Variants in AHNAK observed in about 807,000 individuals in gnomAD.
The protein encoded by AHNAK is AHNAK nucleoprotein, also known as neuroblast differentiation-associated protein AHNAK.
Under a neutral mutation model 37.8 loss-of-function variants are expected in AHNAK, and 23 were observed. That is an observed-to-expected ratio of 0.61 (90% CI 0.44 to 0.86). The LOEUF (loss-of-function observed/expected upper bound fraction) is 0.86, where lower values mean the gene tolerates loss of function less well. Among genes scored for constraint, AHNAK ranks in the 40% least tolerant of loss-of-function variants. The pLI is 0.00. For missense variants in AHNAK, 7,411 were observed against 7,319.4 expected (o/e 1.01, Z -0.46); for synonymous variants, 2,481 against 2,636.3 (o/e 0.94, Z 1.80).
chr11:62,464,966 G>T (rs1159964043), intron 5 of AHNAK, among the ~76,000 whole-genome samples: 1 of 152,228 alleles, frequency 6.6e-6, no homozygotes, highest in Non-Finnish European at 1.5e-5. Context: ...GACAGACACA[G>T]TCGGGAACCC....
intron 1 of AHNAK, among the ~76,000 whole-genome samples, chr11:62,542,203 C>A (rs1281443758): frequency 6.6e-6 from 1 of 152,116 alleles, no homozygotes; most frequent in Non-Finnish European, 1.5e-5. Context: ...CTACACAGCC[C>A]AGGGCAGCCT....
chr11:62,497,053 T>C (rs1939624720), intron 4 of AHNAK, among the ~76,000 whole-genome samples: 1 of 152,190 alleles, frequency 6.6e-6, no homozygotes, highest in Non-Finnish European at 1.5e-5. Context: ...GTGGAAAATA[T>C]TATACTGAGT....
Position 62,533,726 on chromosome 11 carries a change from C to G in AHNAK, c.691G>C (p.Ala231Pro). Residue 231 changes from alanine (A) to proline (P), a missense_variant, in exon 5 of 5, where the codon GCT becomes CCT. Coordinates refer to ENST00000378024, the MANE Select transcript of AHNAK (RefSeq NM_001620.3). The part of the protein sequence containing the change: ...AVDIRAGAIS[A>P]SGPELQGAGH... ...GCACCTTGGAGCTCTGGTCCTGAAG[C>G]AGAAATGGCCCCTGCTCGGATATCC... 6.2e-7 allele frequency: 1 copy of G among 1,614,154 alleles called. No individual in the cohort carries two copies. The highest frequency in any genetic ancestry group is 8.5e-7 in the Non-Finnish European group (1 of 1,180,040).
In AHNAK at chr11:62,491,730, A is replaced by T. The variant is rs762521452; in HGVS notation, c.442+2T>A. On this transcript the variant is annotated splice_donor_variant, in intron 5 of 5. Coordinates refer to the AHNAK transcript ENST00000257247. LOFTEE classifies it high-confidence loss of function. ...TCTTTCAGTCCCCATCACTTCTCTC[A>T]CCTGCATTTGGGGTGGAGACTGAAA... 6.2e-7 allele frequency: 1 copy of T among 1,607,564 alleles called. No homozygotes were observed. Among genetic ancestry groups the T allele is most frequent in the Non-Finnish European group, 8.5e-7 (1 of 1,176,676 alleles).
At position 62,522,677 on chromosome 11, in the gene AHNAK, C is replaced by T. The variant is rs769017729; in HGVS notation, c.11740G>A (p.Val3914Met). ...TCCACATCTGGGGCATTAATATCCA[C>T]TTTGGGGCCTTTAATATCCAAGTCA... is the stretch of plus-strand genomic sequence containing the variant. ...VPDLDIKGPK[V>M]DINAPDVDVR... Residue 3914 changes from valine to methionine, a missense_variant, in exon 5 of 5, where the codon GTG becomes ATG. Val to Met is a conservative substitution (Grantham distance 21). Transcript: ENST00000378024. 2.4e-5 allele frequency: 38 copies of T among 1,612,574 alleles called. No individual in the cohort carries two copies. Among genetic ancestry groups the T allele is most frequent in the Non-Finnish European group, 3.2e-5 (38 of 1,179,690 alleles).
chr11:62,449,679 C>T (rs34850466), intron 5 of AHNAK, among the ~76,000 whole-genome samples: 3,834 of 152,282 alleles, frequency 0.025, 65 homozygotes, highest in Non-Finnish European at 0.04. Context: ...TGCCAGGGGA[C>T]GCTCGTGAAA....
At position 62,527,685 on chromosome 11, in the gene AHNAK, A is replaced by G. The variant is rs1298918; in HGVS notation, c.6732T>C (p.Pro2244=). Residue 2244 remains proline (P), a synonymous_variant, in exon 5 of 5, where the codon CCT becomes CCC. Transcript: ENST00000378024. The part of the protein sequence containing the change: ...VHGPDWHLKM[P]KMKMPKFSMP... ...TGCTGAACTTGGGCATTTTCATCTT[A>G]GGCATCTTCAGGTGCCAGTCTGGGC... 15 of 1,612,852 alleles carry G rather than the reference A, an allele frequency of 9.3e-6. No individual in the cohort carries two copies. In the Admixed American group the frequency reaches 2.3e-4, roughly 25 times the overall value.
intron 4 of AHNAK, among the ~76,000 whole-genome samples, chr11:62,499,366 T>C (rs1590631998): frequency 1.3e-5 from 2 of 152,050 alleles, no homozygotes; most frequent in South Asian, 2.1e-4. Context: ...CTGACCAACA[T>C]GGCGAAACCC....
intron 5 of AHNAK, among the ~76,000 whole-genome samples, chr11:62,434,046 G>C (rs1396859528): frequency 2.0e-5 from 3 of 152,192 alleles, no homozygotes; most frequent in African/African-American, 7.2e-5. Flanking sequence ...GGAAGGGATA[G>C]ATTTGGAAAG....
Position 62,518,777 on chromosome 11 carries a change from T to C in AHNAK, c.15640A>G (p.Ser5214Gly), listed in dbSNP as rs140273841. The change falls in exon 5 of 5, where the codon AGC becomes GGC. Residue 5214 changes from serine to glycine, a missense_variant. By Grantham distance (56) the Ser-to-Gly change is moderately conservative. Transcript: ENST00000378024. ...KGPKIKGDVP[S>G]VGLEGPDVDL... is the part of the protein sequence containing the mutation. The stretch of plus-strand genomic sequence containing the variant: ...ACATCTGGTCCTTCCAGTCCCACGC[T>C]GGGGACATCACCCTTTATCTTTGGT... The C allele has an allele frequency of 6.2e-6, 10 of 1,614,152 alleles. No homozygotes were observed. The highest frequency in any genetic ancestry group is 1.6e-4 in the Middle Eastern group (1 of 6,084).
intron 5 of AHNAK, among the ~76,000 whole-genome samples, chr11:62,455,088 ATGC>A (rs1315676521): frequency 6.6e-6 from 1 of 151,560 alleles, no homozygotes; most frequent in Non-Finnish European, 1.5e-5. Context: ...GTACGCCACC[ATGC>A]TTGACTAATT....
At position 62,532,296 on chromosome 11, in the gene AHNAK, TTTCAC is replaced by T; in HGVS notation, c.2116_2120del (p.Val706ArgfsTer9). 6.2e-7 allele frequency: 1 copy of T among 1,614,146 alleles called. No individual in the cohort carries two copies. Among genetic ancestry groups the T allele is most frequent in the Non-Finnish European group, 8.5e-7 (1 of 1,180,022 alleles). ...CATACTCTCCCTTCACCTTTGTACCTTTCACGTGCAAATCTACATCAGGCATGGAG... is the reference window on the plus strand; with the variant it reads ...CATACTCTCCCTTCACCTTTGTACCTGTGCAAATCTACATCAGGCATGGAG... On this transcript the variant is annotated frameshift_variant, in exon 5 of 5. Coordinates refer to ENST00000378024, the MANE Select transcript of AHNAK (RefSeq NM_001620.3). LOFTEE classifies it low-confidence loss of function (END_TRUNC).
At position 62,523,336 on chromosome 11, in the gene AHNAK, G is replaced by A; in HGVS notation, c.11081C>T (p.Pro3694Leu). The A allele has an allele frequency of 6.2e-7, 1 of 1,612,978 alleles. No individual in the cohort carries two copies. The highest frequency in any genetic ancestry group is 8.5e-7 in the Non-Finnish European group (1 of 1,179,646). ...KMKGDVVVSL[P>L]KVEGDLKGPE... The stretch of plus-strand genomic sequence containing the variant: ...GCCTTTTAGATCACCTTCCACTTTG[G>A]GCAAAGACACAACCACATCACCCTT... The change falls in exon 5 of 5, where the codon CCC becomes CTC. Residue 3694 changes from proline to leucine, a missense_variant. Transcript: ENST00000378024.
At chr11:62,443,793 A>G (rs79861977) in intron 5 of AHNAK, among the ~76,000 whole-genome samples, 1,921 of 152,352 alleles carry the variant, frequency 0.013, 54 homozygotes, top group African/African-American at 0.044. Flanking sequence ...AGAGGAACCT[A>G]GAAAGGCTGA....
chr11:62,490,059 T>C (rs763091009), intron 5 of AHNAK, among the ~76,000 whole-genome samples: 5 of 150,406 alleles, frequency 3.3e-5, no homozygotes, highest in Non-Finnish European at 4.4e-5. Context: ...GAACGGGAAG[T>C]GGGGGGACTG....
chr11:62,503,947 G>C (rs935112440), intron 4 of AHNAK, among the ~76,000 whole-genome samples: 35 of 151,978 alleles, frequency 2.3e-4, no homozygotes, highest in African/African-American at 7.7e-4. Flanking sequence ...GATCACCTGA[G>C]GTCAGGAGTT....
At position 62,439,664 on chromosome 11, in the gene AHNAK, G is replaced by GTTTTTTTTTTTTTTTTTTTTTTTTTTT; in HGVS notation, c.443-5774_443-5773insAAAAAAAAAAAAAAAAAAAAAAAAAAA. The stretch of plus-strand genomic sequence containing the variant: ...TTTGGTTTGTTTTGGATTTTTGTGT[G>GTTTTTTTTTTTTTTTTTTTTTTTTTTT]ATTTTTTTTTTTTTTTTTTTTGAGA... On this transcript the variant is annotated intron_variant, in intron 5 of 5. Transcript: ENST00000257247. 1.6e-5 allele frequency among the ~76,000 whole-genome samples: 2 copies of GTTTTTTTTTTTTTTTTTTTTTTTTTTT among 126,420 alleles called. 1 individual carries two copies. The allele number at this position is 126,420 out of a possible 152,430, so 82.9% of individuals were successfully genotyped here. A position where few individuals can be genotyped will look rare whatever the true frequency, so the allele number is the denominator to read the frequency against.
chr11:62,527,808 A>G lies in AHNAK; in HGVS notation c.6609T>C (p.Asp2203=), dbSNP rs756753836. 2 of 1,613,306 alleles carry G rather than the reference A, an allele frequency of 1.2e-6. No individual in the cohort carries two copies. The highest frequency in any genetic ancestry group is 1.7e-5 in the Admixed American group (1 of 59,908). Residue 2203 remains aspartate, a synonymous_variant, in exon 5 of 5, where the codon GAT becomes GAC. Transcript: ENST00000378024. Reference sequence around the variant, plus strand: ...CACCTTCTACCTTGGGAACAGACACATCCATATCCCCTTTGACTTTGGGGC... The same window carrying G: ...CACCTTCTACCTTGGGAACAGACACGTCCATATCCCCTTTGACTTTGGGGC... The part of the protein sequence containing the change: ...LKGPKVKGDM[D]VSVPKVEGEM...
intron 5 of AHNAK, among the ~76,000 whole-genome samples, chr11:62,453,630 G>C (rs1255016806): frequency 6.6e-6 from 1 of 152,144 alleles, no homozygotes; most frequent in Non-Finnish European, 1.5e-5. Flanking sequence ...ATTCAAGGCT[G>C]TCTCAGTCCA....
Sources: allele counts gnomAD v4.1 joint callset (sites outside exome capture counted in the v4.1 genomes callset), GRCh38; gene constraint gnomAD v4.1.1; transcripts MANE v1.5; gene names NCBI Gene and HGNC (gene_info 2026-07-23, HGNC 2026-07-21).